The following DPH6 variants were observed in gnomAD, a reference collection of about 807,000 sequenced individuals.
The protein encoded by DPH6 is diphthamine biosynthesis 6.
Under a neutral mutation model 38.2 loss-of-function variants are expected in DPH6, and 33 were observed. That is an observed-to-expected ratio of 0.86 (90% CI 0.65 to 1.15). The LOEUF (loss-of-function observed/expected upper bound fraction) is 1.15, where lower values mean the gene tolerates loss of function less well. Ranked by LOEUF, DPH6 falls within the 50% of genes most tolerant of loss-of-function variation. The pLI, the probability that DPH6 is intolerant of heterozygous loss-of-function variation, is 0.00. For missense variants in DPH6, 325 were observed against 320.0 expected, an observed-to-expected ratio of 1.02 and a Z score of -0.12; for synonymous variants, 108 against 103.0, an observed-to-expected ratio of 1.05 and a Z score of -0.30.
chr15:35,524,709 G>A (rs1017911772), intron 3 of DPH6, among the ~76,000 whole-genome samples: 1 of 152,204 alleles, frequency 6.6e-6, no homozygotes, highest in African/African-American at 2.4e-5. Flanking sequence ...AGAGCTTATA[G>A]CAGTTATCTA....
At chr15:35,215,172 ACAAGATACTCT>A (rs1207019683), downstream of DPH6, among the ~76,000 whole-genome samples, 5 of 152,232 alleles carry the variant, frequency 3.3e-5, no homozygotes, top group Non-Finnish European at 7.3e-5. Context: ...GGGCAAATGC[ACAAGATACTCT>A]CTGTGCCACT....
intron 3 of DPH6, among the ~76,000 whole-genome samples, chr15:35,360,592 C>A (rs907556078): frequency 6.6e-6 from 1 of 152,176 alleles, no homozygotes; most frequent in African/African-American, 2.4e-5. Context: ...GTGGGTAGCA[C>A]TGCCCCCAGG....
intron 3 of DPH6, among the ~76,000 whole-genome samples, chr15:35,322,702 T>C (rs1166458857): frequency 1.3e-5 from 2 of 152,170 alleles, no homozygotes; most frequent in Non-Finnish European, 2.9e-5. Context: ...AATTTTCTTC[T>C]ATTTTCAAAA....
chr15:35,397,208 C>A (rs994724686), intron 6 of DPH6, among the ~76,000 whole-genome samples: 2 of 152,216 alleles, frequency 1.3e-5, no homozygotes, highest in African/African-American at 2.4e-5. Context: ...GAGTGGTATG[C>A]TTCTTAAGTA....
chr15:35,264,044 A>G (rs899712610), intron 3 of DPH6, among the ~76,000 whole-genome samples: 1 of 151,474 alleles, frequency 6.6e-6, no homozygotes, highest in Admixed American at 6.6e-5. Flanking sequence ...CCTTTTTTCT[A>G]GTCCATGCTG....
At chr15:35,322,217 T>C (rs143094930) in intron 3 of DPH6, among the ~76,000 whole-genome samples, 119 of 152,324 alleles carry the variant, frequency 7.8e-4, no homozygotes, top group African/African-American at 2.6e-3. Context: ...GGCCACATGA[T>C]ATCTTGAGCA....
chr15:35,536,606 C>A (rs72705156), intron 3 of DPH6, among the ~76,000 whole-genome samples: 29,162 of 151,722 alleles, frequency 0.19, 3,568 homozygotes, highest in Non-Finnish European at 0.27. Context: ...TTTATTATCT[C>A]TCTTTCTTGG....
At chr15:35,435,231 C>A (rs1210659461) in intron 5 of DPH6, among the ~76,000 whole-genome samples, 8 of 152,174 alleles carry the variant, frequency 5.3e-5, no homozygotes, top group Non-Finnish European at 5.9e-5. Flanking sequence ...AAAGCTGCCT[C>A]CTTACATATT....
At chr15:35,439,894 T>A (rs2053765895) in intron 5 of DPH6, among the ~76,000 whole-genome samples, 1 of 152,142 alleles carries the variant, frequency 6.6e-6, no homozygotes, top group Non-Finnish European at 1.5e-5. Flanking sequence ...ATTACGCAAA[T>A]AATCAAGCCA....
the DPH6 span, among the ~76,000 whole-genome samples, chr15:35,204,721 C>T: frequency 6.6e-6 from 1 of 151,756 alleles, no homozygotes; most frequent in Admixed American, 6.6e-5. Flanking sequence ...TTTTTCTTTT[C>T]TCCTTCAAAG....
At chr15:35,534,377 C>CAAAAAA (rs55974798) in intron 3 of DPH6, among the ~76,000 whole-genome samples, 5 of 104,202 alleles carry the variant, frequency 4.8e-5, no homozygotes, top group African/African-American at 1.1e-4. Context: ...AACTCTGTCT[C>CAAAAAA]AAAAAAAAAA....
intron 3 of DPH6, among the ~76,000 whole-genome samples, chr15:35,356,418 C>T (rs1185878377): frequency 6.6e-6 from 1 of 152,192 alleles, no homozygotes; most frequent in African/African-American, 2.4e-5. Context: ...GTAGTTTTAT[C>T]TACCTTTGGT....
the DPH6 span, among the ~76,000 whole-genome samples, chr15:35,193,464 G>A: frequency 6.6e-6 from 1 of 151,918 alleles, no homozygotes; most frequent in African/African-American, 2.4e-5. Context: ...TATAAATTCA[G>A]CCTCACATTT....
intron 3 of DPH6, among the ~76,000 whole-genome samples, chr15:35,343,478 A>G (rs1437546726): frequency 6.6e-6 from 1 of 152,040 alleles, no homozygotes; most frequent in Non-Finnish European, 1.5e-5. Context: ...ACACAAAGTA[A>G]AAAGAGATGA....
intron 3 of DPH6, among the ~76,000 whole-genome samples, chr15:35,299,913 C>T (rs1826359780): frequency 6.6e-6 from 1 of 152,232 alleles, no homozygotes; most frequent in Non-Finnish European, 1.5e-5. Context: ...TAGGGCTCAA[C>T]ACAATCAAAC....
intron 3 of DPH6, among the ~76,000 whole-genome samples, chr15:35,337,247 G>C (rs1296515732): frequency 2.0e-5 from 3 of 152,180 alleles, no homozygotes; most frequent in Admixed American, 2.0e-4. Context: ...GGTGTTTGTA[G>C]TATTCTCTGA....
intron 6 of DPH6, among the ~76,000 whole-genome samples, chr15:35,389,407 T>C (rs1448066075): frequency 2.0e-5 from 3 of 152,214 alleles, no homozygotes; most frequent in Admixed American, 2.0e-4. Flanking sequence ...GTTAACTTTC[T>C]GTCTCATTGA....
At chr15:35,170,568 T>C in the DPH6 span, among the ~76,000 whole-genome samples, 1 of 152,196 alleles carries the variant, frequency 6.6e-6, no homozygotes, top group African/African-American at 2.4e-5. Context: ...TAAGTACCTA[T>C]TCACTACAAA....
chr15:35,504,067 CA>C (rs985628381), intron 3 of DPH6, among the ~76,000 whole-genome samples: 6 of 152,084 alleles, frequency 3.9e-5, no homozygotes, highest in African/African-American at 1.4e-4. Context: ...TTCAAGATCT[CA>C]AAAGACCTAG....
Sources: allele counts gnomAD v4.1 joint callset (sites outside exome capture counted in the v4.1 genomes callset), GRCh38; gene constraint gnomAD v4.1.1; transcripts MANE v1.5; gene names NCBI Gene and HGNC (gene_info 2026-07-23, HGNC 2026-07-21).